RAB22A: variants seen among roughly 807,000 people sequenced by gnomAD.
RAB22A encodes the protein ras-related protein Rab-22A.
In RAB22A, 13 loss-of-function variants were observed where a neutral mutation model predicts 30.2. That is an observed-to-expected ratio of 0.43 (90% CI 0.28 to 0.68). The LOEUF (loss-of-function observed/expected upper bound fraction) is 0.68. Among genes scored for constraint, RAB22A ranks in the 30% least tolerant of loss-of-function variants. The pLI, the probability that RAB22A is intolerant of heterozygous loss-of-function variation, is 0.18. For missense variants in RAB22A, 177 were observed against 246.8 expected (o/e 0.72, Z 1.89); for synonymous variants, 89 against 87.2 (o/e 1.02, Z -0.11).
intron 2 of RAB22A, among the ~76,000 whole-genome samples, chr20:58,331,612 G>A (rs889060930): frequency 2.6e-5 from 4 of 151,622 alleles, no homozygotes; most frequent in African/African-American, 4.9e-5. Context: ...AATATAATTC[G>A]CTTTTTATTG....
intron 2 of RAB22A, among the ~76,000 whole-genome samples, chr20:58,317,222 G>A (rs1329671522): frequency 3.3e-5 from 5 of 151,940 alleles, no homozygotes; most frequent in South Asian, 2.1e-4. Context: ...TCGACCTCCC[G>A]AGTAGCTGGG....
intron 2 of RAB22A, among the ~76,000 whole-genome samples, chr20:58,313,997 C>T (rs1986284265): frequency 2.0e-5 from 3 of 152,146 alleles, no homozygotes; most frequent in South Asian, 2.1e-4. Flanking sequence ...CCTCGTAGAC[C>T]TTACCTACAA....
rs1412234806 is a variant in RAB22A at position 58,309,771 on chromosome 20, G to A, written c.-206G>A. The stretch of plus-strand genomic sequence containing the variant: ...CGGCGGCGGCTCCCGGAAGGCCGCG[G>A]CGGCGTCCCGGCTGCTAAGGCGGGC... On this transcript the variant is annotated 5_prime_UTR_variant, in exon 1 of 7. Coordinates refer to ENST00000244040, the MANE Select transcript of RAB22A (RefSeq NM_020673.3). 2.9e-5 allele frequency: 10 copies of A among 340,188 alleles called. No individual in the cohort carries two copies. The Admixed American group carries it at 3.1e-4, about 10-fold the overall frequency. The allele number at this position is 340,188 out of a possible 1,614,324, so 21.1% of individuals were successfully genotyped here. A position where few individuals can be genotyped will look rare whatever the true frequency, so the allele number is the denominator to read the frequency against.
At chr20:58,352,474 A>G (rs1043836304) in intron 3 of RAB22A, among the ~76,000 whole-genome samples, 1 of 152,240 alleles carries the variant, frequency 6.6e-6, no homozygotes, top group Non-Finnish European at 1.5e-5. Flanking sequence ...TTGACATCAT[A>G]TCCAGTTGGT....
In RAB22A at chr20:58,315,567, G is replaced by GC. The variant is rs372069785; in HGVS notation, c.116+4445_116+4446insC. 8.3e-4 allele frequency among the ~76,000 whole-genome samples: 126 copies of GC among 151,692 alleles called. 1 individual carries two copies. Among genetic ancestry groups the GC allele is most frequent in the Middle Eastern group, 3.4e-3 (1 of 294 alleles). ...ACTCTTGTGGAGGTTGGGGCGGGGG[G>GC]TCATAGCCCTGCCTACCTTATAGGG... On this transcript the variant is annotated intron_variant, in intron 2 of 6. Coordinates refer to ENST00000244040, the MANE Select transcript of RAB22A (RefSeq NM_020673.3).
intron 1 of RAB22A, among the ~76,000 whole-genome samples, chr20:58,310,221 C>G (rs1485428015): frequency 6.6e-6 from 1 of 152,148 alleles, no homozygotes; most frequent in Non-Finnish European, 1.5e-5. Flanking sequence ...CCTTCCCCTT[C>G]CCCTCCCTGG....
intron 2 of RAB22A, among the ~76,000 whole-genome samples, chr20:58,338,035 A>ATTTTTTTTTTTTTTTTTTTTTTTTTTTTT (rs926754636): frequency 6.7e-6 from 1 of 150,010 alleles, no homozygotes; most frequent in South Asian, 2.1e-4. Flanking sequence ...ATTTTTTTTT[A>ATTTTTTTTTTTTTTTTTTTTTTTTTTTTT]TTTTTTTTTG....
chr20:58,355,698 C>T (rs1422352116), intron 6 of RAB22A, among the ~76,000 whole-genome samples: 1 of 152,098 alleles, frequency 6.6e-6, no homozygotes, highest in Non-Finnish European at 1.5e-5. Flanking sequence ...GTGGCATGCA[C>T]CTGTAGTCCC....
intron 2 of RAB22A, among the ~76,000 whole-genome samples, chr20:58,330,543 T>A (rs1467110161): frequency 2.0e-5 from 3 of 152,226 alleles, no homozygotes; most frequent in South Asian, 2.1e-4. Context: ...TGCAAAGATT[T>A]TAGATTTTCG....
intron 3 of RAB22A, among the ~76,000 whole-genome samples, chr20:58,348,792 TAAA>T (rs3069357): frequency 6.7e-6 from 1 of 150,004 alleles, no homozygotes; most frequent in African/African-American, 2.4e-5. Context: ...CTGATGAGCT[TAAA>T]AAAAAAAAAT....
Position 58,309,810 on chromosome 20 carries a change from C to A in RAB22A, c.-167C>A. The A allele has an allele frequency of 1.8e-6, 1 of 552,146 alleles. No individual in the cohort carries two copies. Among genetic ancestry groups the A allele is most frequent in the Non-Finnish European group, 2.7e-6 (1 of 372,040 alleles). 34.2% of individuals were successfully genotyped at this position (552,146 alleles called of 1,614,324 possible). ...GCTAAGGCGGGCCCCACGCGGCTGG[C>A]AGCGGACAGGCCGGACCTACGGCCG... is the stretch of plus-strand genomic sequence containing the variant. On this transcript the variant is annotated 5_prime_UTR_variant, in exon 1 of 7. Transcript: ENST00000244040.
chr20:58,325,648 T>TA (rs1015965832), intron 2 of RAB22A, among the ~76,000 whole-genome samples: 12 of 152,254 alleles, frequency 7.9e-5, no homozygotes, highest in African/African-American at 2.4e-4. Flanking sequence ...AGGGATATCT[T>TA]CTAGTTAACT....
At chr20:58,345,470 T>G (rs1449249432) in intron 3 of RAB22A, 12 of 152,254 alleles carry the variant, frequency 7.9e-5, no homozygotes, top group Admixed American at 7.9e-4. Context: ...GCCTTCAGCC[T>G]GCCTGATGCA....
At position 58,361,760 on chromosome 20, in the gene RAB22A, GTCTTAT is replaced by G. The variant is rs1265794365; in HGVS notation, c.*2059_*2064del. 1 of 152,040 alleles carries G rather than the reference GTCTTAT, an allele frequency of 6.6e-6. No homozygotes were observed. Among genetic ancestry groups the G allele is most frequent in the Non-Finnish European group, 1.5e-5 (1 of 68,028 alleles). The allele number at this position is 152,040 out of a possible 1,614,324, so 9.4% of individuals were successfully genotyped here. ...AGGCAAAGCATGTGCGACCCTTTCT[GTCTTAT>G]TTTACCAAAAGATGGTGCAAATCTA... On this transcript the variant is annotated 3_prime_UTR_variant, in exon 7 of 7. Transcript: ENST00000244040.
intron 2 of RAB22A, among the ~76,000 whole-genome samples, chr20:58,334,713 A>G (rs993014884): frequency 1.5e-4 from 22 of 147,016 alleles, no homozygotes; most frequent in Non-Finnish European, 2.8e-4. Context: ...CAATTTTACT[A>G]TGTTTACCAA....
intron 3 of RAB22A, among the ~76,000 whole-genome samples, chr20:58,350,028 G>A (rs937407966): frequency 2.6e-5 from 4 of 152,010 alleles, no homozygotes; most frequent in Admixed American, 6.6e-5. Context: ...TTGGAAGGCC[G>A]AGACAGGCAT....
intron 2 of RAB22A, among the ~76,000 whole-genome samples, chr20:58,343,266 C>T (rs967660940): frequency 1.3e-5 from 2 of 152,188 alleles, no homozygotes; most frequent in Non-Finnish European, 2.9e-5. Flanking sequence ...TTAACACTAG[C>T]TCTCACTCAC....
At chr20:58,330,256 C>A (rs2122942947) in intron 2 of RAB22A, among the ~76,000 whole-genome samples, 1 of 152,294 alleles carries the variant, frequency 6.6e-6, no homozygotes, top group African/African-American at 2.4e-5. Flanking sequence ...ATTTTTCCCC[C>A]AGTATTTAGA....
chr20:58,362,686 T>C lies in RAB22A; in HGVS notation c.*2983T>C, dbSNP rs1482617347. The C allele has an allele frequency of 6.6e-6, 1 of 152,256 alleles. No individual in the cohort carries two copies. Among genetic ancestry groups the C allele is most frequent in the African/African-American group, 2.4e-5 (1 of 41,462 alleles). 9.4% of individuals were successfully genotyped at this position (152,256 alleles called of 1,614,324 possible). A position where few individuals can be genotyped will look rare whatever the true frequency, so the allele number is the denominator to read the frequency against. The stretch of plus-strand genomic sequence containing the variant: ...AAAGAACATAAAGTAAGATTATGAT[T>C]AAGTGTCCATCACCTGCCTGTCAGC... On this transcript the variant is annotated 3_prime_UTR_variant, in exon 7 of 7. Transcript: ENST00000244040.
Sources: allele counts gnomAD v4.1 joint callset (sites outside exome capture counted in the v4.1 genomes callset), GRCh38; gene constraint gnomAD v4.1.1; transcripts MANE v1.5; gene names NCBI Gene and HGNC (gene_info 2026-07-23, HGNC 2026-07-21).